FAM13A: variants seen among roughly 807,000 people sequenced by gnomAD.
FAM13A encodes the protein protein FAM13A.
Under a neutral mutation model 129.6 loss-of-function variants are expected in FAM13A, and 76 were observed. The observed-to-expected ratio is 0.59, with a 90% confidence interval of 0.49 to 0.71. The LOEUF (loss-of-function observed/expected upper bound fraction) is 0.71, where lower values mean the gene tolerates loss of function less well. Among genes scored for constraint, FAM13A ranks in the 30% least tolerant of loss-of-function variants. The pLI is 0.00. For missense variants in FAM13A, 1,108 were observed against 1,249.3 expected, an observed-to-expected ratio of 0.89 and a Z score of 1.70; for synonymous variants, 443 against 449.9, an observed-to-expected ratio of 0.98 and a Z score of 0.20.
At chr4:88,810,050 A>G (rs921386900) in intron 7 of FAM13A, among the ~76,000 whole-genome samples, 3 of 152,212 alleles carry the variant, frequency 2.0e-5, no homozygotes, top group African/African-American at 7.2e-5. Flanking sequence ...AGCCAGTAGA[A>G]ATACAAATTA....
rs1456240164 is a variant in FAM13A at position 88,938,123 on chromosome 4, T to C, written c.724A>G (p.Arg242Gly). 1 of 1,613,592 alleles carries C rather than the reference T, an allele frequency of 6.2e-7. No individual in the cohort carries two copies. Among genetic ancestry groups the C allele is most frequent in the Non-Finnish European group, 8.5e-7 (1 of 1,179,736 alleles). Residue 242 changes from arginine (R) to glycine (G), a missense_variant, in exon 5 of 24, where the codon AGA (arginine) becomes GGA (glycine). By Grantham distance (125) the Arg-to-Gly change is moderately radical. Coordinates refer to ENST00000264344, the MANE Select transcript of FAM13A (RefSeq NM_014883.4). ...ATAAGCCTAGCCAGGTTTTCACATC[T>C]CAGATGATCATTTTCTGTATACTCT... ...EVEYTENDHL[R>G]CENLARLIIV... is the part of the protein sequence containing the mutation.
At chr4:88,980,948 C>A (rs1234988727) in intron 4 of FAM13A, among the ~76,000 whole-genome samples, 1 of 152,130 alleles carries the variant, frequency 6.6e-6, no homozygotes, top group African/African-American at 2.4e-5. Flanking sequence ...AGACCAATAG[C>A]AGTTTTAAAC....
intron 6 of FAM13A, among the ~76,000 whole-genome samples, chr4:88,865,391 A>G (rs1321593728): frequency 1.3e-5 from 2 of 152,264 alleles, no homozygotes; most frequent in African/African-American, 4.8e-5. Flanking sequence ...AAATAAATTC[A>G]TCTGCTTGCA....
At chr4:88,741,021 T>C (rs1256704461) in intron 19 of FAM13A, among the ~76,000 whole-genome samples, 4 of 152,176 alleles carry the variant, frequency 2.6e-5, no homozygotes, top group African/African-American at 7.2e-5. Context: ...GAAAAGACTG[T>C]GTCTAGTGCT....
intron 4 of FAM13A, among the ~76,000 whole-genome samples, chr4:88,984,301 T>G (rs1761980646): frequency 6.6e-6 from 1 of 151,826 alleles, no homozygotes; most frequent in Non-Finnish European, 1.5e-5. Context: ...TTGCACTCCA[T>G]CAAAAATAAA....
chr4:88,926,194 C>G (rs918988635), intron 5 of FAM13A, among the ~76,000 whole-genome samples: 5 of 152,092 alleles, frequency 3.3e-5, no homozygotes, highest in African/African-American at 7.2e-5. Flanking sequence ...GAAATTTACA[C>G]CCCCACAGTT....
intron 1 of FAM13A, among the ~76,000 whole-genome samples, chr4:89,053,385 C>T (rs1560972398): frequency 6.6e-6 from 1 of 152,172 alleles, no homozygotes; most frequent in African/African-American, 2.4e-5. Context: ...TTTCTTCCCA[C>T]TTAAGCCCTG....
In FAM13A at chr4:88,967,661, G is replaced by A. The variant is rs542178283; in HGVS notation, c.605+23312C>T. Among the ~76,000 whole-genome samples the A allele has an allele frequency of 1.6e-3, 246 of 152,314 alleles. 1 individual carries two copies. The highest frequency in any genetic ancestry group is 0.011 in the South Asian group (51 of 4,818). ...AGAATTCCATGTGCCTTACAACACA[G>A]AAAAGATGCCCGGCAAGAGCAATGG... On this transcript the variant is annotated intron_variant, in intron 4 of 23. Transcript: ENST00000264344.
chr4:88,890,216 T>C (rs973846491), intron 6 of FAM13A, among the ~76,000 whole-genome samples: 1 of 152,080 alleles, frequency 6.6e-6, no homozygotes, highest in African/African-American at 2.4e-5. Context: ...TGGCATACAA[T>C]AGATGGGATG....
At chr4:88,960,081 C>G (rs1309909528) in intron 4 of FAM13A, among the ~76,000 whole-genome samples, 1 of 152,176 alleles carries the variant, frequency 6.6e-6, no homozygotes, top group Non-Finnish European at 1.5e-5. Flanking sequence ...AGAAAGTCAT[C>G]TCCCTCTCCT....
Position 88,749,647 on chromosome 4 carries a change from G to C in FAM13A, c.2079+124C>G, listed in dbSNP as rs555797927. On this transcript the variant is annotated intron_variant, in intron 16 of 23. Coordinates refer to ENST00000264344, the MANE Select transcript of FAM13A (RefSeq NM_014883.4). ...CAGGGTGTACTATCCAGGGTTTACT[G>C]CCTTTTTGTTGTAAGATTCCCTAGA... The C allele has an allele frequency of 1.1e-5, 10 of 933,948 alleles. No individual in the cohort carries two copies. In the Admixed American group the frequency reaches 2.3e-4, roughly 22 times the overall value. 57.9% of individuals were successfully genotyped at this position (933,948 alleles called of 1,614,324 possible). A position where few individuals can be genotyped will look rare whatever the true frequency, so the allele number is the denominator to read the frequency against.
At chr4:88,862,148 A>C (rs1175651946) in intron 6 of FAM13A, among the ~76,000 whole-genome samples, 1 of 152,232 alleles carries the variant, frequency 6.6e-6, no homozygotes, top group East Asian at 1.9e-4. Flanking sequence ...ACAAACATTA[A>C]TCATGTAATT....
intron 4 of FAM13A, among the ~76,000 whole-genome samples, chr4:88,983,683 T>C (rs1438978792): frequency 1.3e-5 from 2 of 152,162 alleles, no homozygotes; most frequent in Non-Finnish European, 2.9e-5. Flanking sequence ...CATGCTCACA[T>C]ATTGGGAGAT....
intron 6 of FAM13A, among the ~76,000 whole-genome samples, chr4:88,888,792 C>T (rs1483071290): frequency 7.3e-5 from 11 of 151,382 alleles, no homozygotes; most frequent in African/African-American, 1.2e-4. Context: ...AAAAATTAGC[C>T]GGGTGTGTTG....
At chr4:88,913,436 GGAA>G (rs1199750629) in intron 5 of FAM13A, among the ~76,000 whole-genome samples, 13 of 106,910 alleles carry the variant, frequency 1.2e-4, no homozygotes, top group Non-Finnish European at 2.1e-4. Context: ...GAGGGAAGAG[GGAA>G]GAAGAGGAGG....
intron 4 of FAM13A, among the ~76,000 whole-genome samples, chr4:88,971,467 T>C (rs573674913): frequency 2.0e-5 from 3 of 152,310 alleles, no homozygotes; most frequent in East Asian, 3.9e-4. Flanking sequence ...ACTGGGACTT[T>C]TTAAAAATGG....
intron 4 of FAM13A, among the ~76,000 whole-genome samples, chr4:88,983,984 T>A (rs1366613761): frequency 6.6e-6 from 1 of 151,884 alleles, no homozygotes; most frequent in African/African-American, 2.4e-5. Flanking sequence ...TAACTATGAG[T>A]TCAGATATAA....
intron 1 of FAM13A, among the ~76,000 whole-genome samples, chr4:89,048,908 A>G (rs1361325592): frequency 1.3e-5 from 2 of 152,190 alleles, no homozygotes; most frequent in Non-Finnish European, 2.9e-5. Context: ...ACTATTTTAC[A>G]TCTTTTGTTC....
intron 1 of FAM13A, among the ~76,000 whole-genome samples, chr4:89,038,929 T>C (rs2149152446): frequency 6.6e-6 from 1 of 152,292 alleles, no homozygotes; most frequent in Non-Finnish European, 1.5e-5. Context: ...AAATTCACTA[T>C]TGCAATTATA....
Sources: allele counts gnomAD v4.1 joint callset (sites outside exome capture counted in the v4.1 genomes callset), GRCh38; gene constraint gnomAD v4.1.1; transcripts MANE v1.5; gene names NCBI Gene and HGNC (gene_info 2026-07-23, HGNC 2026-07-21).